MCOLN1: variants seen among roughly 807,000 people sequenced by gnomAD.
MCOLN1 encodes mucolipin TRP cation channel 1.
A neutral mutation model predicts 70.3 loss-of-function variants in MCOLN1; 50 were observed. The ratio of observed to expected loss-of-function variants is 0.71; its 90% CI spans 0.57 to 0.90. MCOLN1 has a LOEUF of 0.90. Among genes scored for constraint, MCOLN1 ranks in the 40% least tolerant of loss-of-function variants. The pLI, the probability that MCOLN1 is intolerant of heterozygous loss-of-function variation, is 0.00. For missense variants in MCOLN1, 598 were observed against 803.5 expected, an observed-to-expected ratio of 0.74 and a Z score of 3.09; for synonymous variants, 366 against 341.0, an observed-to-expected ratio of 1.07 and a Z score of -0.81.
rs2022555197 is a variant in MCOLN1, at chr19:7,525,449, T to A, written c.237+283T>A. 1 of 391,574 alleles carries A rather than the reference T, an allele frequency of 2.6e-6. No homozygotes were observed. Among genetic ancestry groups the A allele is most frequent in the African/African-American group, 2.1e-5 (1 of 47,714 alleles). The allele number at this position is 391,574 out of a possible 1,614,324, so 24.3% of individuals were successfully genotyped here. On this transcript the variant is annotated intron_variant, in intron 2 of 13. Coordinates refer to ENST00000264079, the MANE Select transcript of MCOLN1 (RefSeq NM_020533.3). The surrounding 1 kb of genome is among the most constrained non-coding windows in gnomAD (Gnocchi z 4.2). The stretch of plus-strand genomic sequence containing the variant: ...CGGAGGTTGCCGTGAGCTGAAATCA[T>A]GCCACTGCACTCCAGCCTGGGCAAC...
At chr19:7,533,274 T>C (rs1297353591) in intron 12 of MCOLN1, 1 of 591,798 alleles carries the variant, frequency 1.7e-6, no homozygotes, top group South Asian at 2.0e-5. Flanking sequence ...TCTAGGTCTG[T>C]AGGTGCTGGA....
chr19:7,529,501 G>GCCCCCCCCCCCC, intron 10 of MCOLN1, 89 bp from the exon 11 acceptor site: 7 of 747,246 alleles, frequency 9.4e-6, no homozygotes, highest in Middle Eastern at 3.7e-4. Context: ...CCTCGGCAAG[G>GCCCCCCCCCCCC]CCCCGCCCCT....
At chr19:7,533,477 G>A in intron 12 of MCOLN1, 46 bp from the exon 13 acceptor site, 1 of 1,608,160 alleles carries the variant, frequency 6.2e-7, no homozygotes, top group Non-Finnish European at 8.5e-7. Context: ...GGGCCTTGGA[G>A]GTTGGGAGCC....
At chr19:7,530,564 G>T in intron 12 of MCOLN1, 63 bp downstream of exon 12, 1 of 1,442,562 alleles carries the variant, frequency 6.9e-7, no homozygotes, top group Non-Finnish European at 9.7e-7. Flanking sequence ...GCCATGAGGG[G>T]GTCTTGGGGA....
Position 7,524,888 on chromosome 19 carries a change from C to T in MCOLN1, c.32-73C>T, listed in dbSNP as rs1012845318. 23 of 1,267,606 alleles carry T rather than the reference C, an allele frequency of 1.8e-5. No homozygotes were observed. The Admixed American group carries it at 4.0e-4, about 22-fold the overall frequency. 78.5% of individuals were successfully genotyped at this position (1,267,606 alleles called of 1,614,324 possible). A position where few individuals can be genotyped will look rare whatever the true frequency, so the allele number is the denominator to read the frequency against. ...GGACATGAAGATAGGGCGTGTGCTG[C>T]CTTCCTGGTTGGAGAAAGGGGAAAA... On this transcript the variant is annotated intron_variant, in intron 1 of 13. Coordinates refer to ENST00000264079, the MANE Select transcript of MCOLN1 (RefSeq NM_020533.3). This position sits in a 1 kb window ranked among gnomAD's most constrained non-coding sequence, Gnocchi z 4.1.
At chr19:7,530,543 C>A in intron 12 of MCOLN1, 42 bp downstream of exon 12, 1 of 1,565,096 alleles carries the variant, frequency 6.4e-7, no homozygotes, top group Non-Finnish European at 8.7e-7. Context: ...GCTCTGGGTG[C>A]CCTGGAGTCT....
rs2022567120 is a variant in MCOLN1 at position 7,526,330 on chromosome 19, A to C, written c.238-109A>C. The C allele has an allele frequency of 1.5e-6, 2 of 1,301,778 alleles. No individual in the cohort carries two copies. The highest frequency in any genetic ancestry group is 1.7e-5 in the Admixed American group (1 of 59,520). The allele number at this position is 1,301,778 out of a possible 1,614,324, so 80.6% of individuals were successfully genotyped here. On this transcript the variant is annotated intron_variant, in intron 2 of 13. Coordinates refer to ENST00000264079, the MANE Select transcript of MCOLN1 (RefSeq NM_020533.3). This position sits in a 1 kb window ranked among gnomAD's most constrained non-coding sequence, Gnocchi z 4.6. ...AGTTAGCAGGGCCCTGCCCCACCCC[A>C]GTGGACATCTGCAGGGCCCTCCCTG...
Position 7,528,963 on chromosome 19 carries a change from A to C in MCOLN1, c.1127A>C (p.Glu376Ala), listed in dbSNP as rs1339378939. The C allele has an allele frequency of 8.7e-6, 14 of 1,613,964 alleles. No homozygotes were observed. The highest frequency in any genetic ancestry group is 1.1e-5 in the Non-Finnish European group (13 of 1,180,012). The change falls in exon 9 of 14, where the codon GAG (glutamate) becomes GCG (alanine). Residue 376 changes from glutamate (E) to alanine (A), a missense_variant. This residue lies in a region of MCOLN1 where 461 missense variants were observed against 588.4 expected (regional missense o/e 0.78). Transcript: ENST00000264079. The surrounding 1 kb of genome is among the most constrained non-coding windows in gnomAD (Gnocchi z 4.2). ...ISGTIMKIGI[E>A]AKNLASYDVC... The stretch of plus-strand genomic sequence containing the variant: ...GGCACCATCATGAAGATCGGCATCG[A>C]GGCCAAGGTGCGTCCTGCCAACACC...
chr19:7,530,548 G>T, intron 12 of MCOLN1, 47 bp downstream of exon 12: 1 of 1,551,018 alleles, frequency 6.4e-7, no homozygotes. Flanking sequence ...GGGTGCCCTG[G>T]AGTCTGCCAT....
intron 12 of MCOLN1, 124 bp downstream of exon 12, chr19:7,530,625 G>A: frequency 1.0e-6 from 1 of 996,974 alleles, no homozygotes; most frequent in Non-Finnish European, 1.6e-6. Flanking sequence ...GAGACTCTAT[G>A]AAACCAAAAA....
In MCOLN1 at chr19:7,526,673, G is replaced by T; in HGVS notation, c.405+67G>T. ...GGTGGGCGGGCAGGTGCAGTTGGGC[G>T]GGCAGGTGCTGGTGGGCGGGCAGGT... On this transcript the variant is annotated intron_variant, in intron 3 of 13. Transcript: ENST00000264079. This position sits in a 1 kb window ranked among gnomAD's most constrained non-coding sequence, Gnocchi z 4.6. 6.3e-7 allele frequency: 1 copy of T among 1,596,010 alleles called. No homozygotes were observed. Among genetic ancestry groups the T allele is most frequent in the East Asian group, 2.3e-5 (1 of 44,398 alleles).
Position 7,530,426 on chromosome 19 carries a change from C to T in MCOLN1, c.1500C>T (p.Ser500=). 1 of 1,613,536 alleles carries T rather than the reference C, an allele frequency of 6.2e-7. No homozygotes were observed. Among genetic ancestry groups the T allele is most frequent in the Non-Finnish European group, 8.5e-7 (1 of 1,180,038 alleles). Residue 500 remains serine (S), a synonymous_variant, in exon 12 of 14, where the codon TCC becomes TCT. Coordinates refer to ENST00000264079, the MANE Select transcript of MCOLN1 (RefSeq NM_020533.3). ...TCTTCTCCCAGCTCTACCTTTACTC[C>T]TTCATCAGCCTCTTCATCTACATGG... ...VWLFSQLYLY[S]FISLFIYMVL...
Position 7,528,664 on chromosome 19 carries a change from C to G in MCOLN1, c.945C>G (p.Leu315=). 6.2e-7 allele frequency: 1 copy of G among 1,614,252 alleles called. No homozygotes were observed. The stretch of plus-strand genomic sequence containing the variant: ...TCACCTGCTCCCTGTCCTTCCTCCT[C>G]TGCGCCCGCTCACTCCTTCGAGGCT... The part of the protein sequence containing the change: ...VILTCSLSFL[L]CARSLLRGFL... The change falls in exon 8 of 14, where the codon CTC becomes CTG. Residue 315 remains leucine, a synonymous_variant. Coordinates refer to ENST00000264079, the MANE Select transcript of MCOLN1 (RefSeq NM_020533.3). The surrounding 1 kb of genome is among the most constrained non-coding windows in gnomAD (Gnocchi z 4.2).
At chr19:7,523,704 T>G (rs1015141688) in intron 1 of MCOLN1, among the ~76,000 whole-genome samples, 5 of 152,326 alleles carry the variant, frequency 3.3e-5, no homozygotes, top group Middle Eastern at 6.8e-3. Context: ...CAGCAGTTGC[T>G]GAAAGCTTAG....
Position 7,528,626 on chromosome 19 carries a change from G to T in MCOLN1, c.907G>T (p.Val303Leu). The stretch of plus-strand genomic sequence containing the variant: ...CAACAGCTTCCGGCTCCTGTTTGAC[G>T]TGGTGGTCATCCTCACCTGCTCCCT... ...GDNSFRLLFDVVVILTCSLSF... is the reference protein window; with the variant it reads ...GDNSFRLLFDLVVILTCSLSF... The change falls in exon 8 of 14, where the codon GTG (valine) becomes TTG (leucine). Residue 303 changes from valine to leucine, a missense_variant. Val to Leu is a conservative substitution (Grantham distance 32). Coordinates refer to ENST00000264079, the MANE Select transcript of MCOLN1 (RefSeq NM_020533.3). This position sits in a 1 kb window ranked among gnomAD's most constrained non-coding sequence, Gnocchi z 4.2. 1 of 1,614,220 alleles carries T rather than the reference G, an allele frequency of 6.2e-7. No individual in the cohort carries two copies. Among genetic ancestry groups the T allele is most frequent in the Non-Finnish European group, 8.5e-7 (1 of 1,180,040 alleles).
rs147754092 is a variant in MCOLN1 at position 7,529,625 on chromosome 19, C to T, written c.1272C>T (p.Ser424=). The T allele has an allele frequency of 3.2e-3, 5,152 of 1,614,098 alleles. 10 individuals carry two copies. Among genetic ancestry groups the T allele is most frequent in the Non-Finnish European group, 3.9e-3 (4,659 of 1,179,982 alleles). ...LIATLRVALP[S]VMRFCCCVAV... is the part of the protein sequence containing the mutation. The stretch of plus-strand genomic sequence containing the variant: ...CCACACTGCGGGTGGCCCTGCCCAG[C>T]GTCATGCGCTTCTGCTGCTGCGTGG... Residue 424 remains serine, a synonymous_variant, in exon 11 of 14, where the codon AGC becomes AGT. Transcript: ENST00000264079.
chr19:7,533,997 G>C lies in MCOLN1; in HGVS notation c.*202G>C, dbSNP rs1599259197. On this transcript the variant is annotated 3_prime_UTR_variant, in exon 14 of 14. Coordinates refer to ENST00000264079, the MANE Select transcript of MCOLN1 (RefSeq NM_020533.3). ...GAATAAAAGGGAAAATAAATGTGTC[G>C]TTTTCATTTTTAGCGGGAGGAGCAG... 6.1e-6 allele frequency: 4 copies of C among 656,726 alleles called. No homozygotes were observed. Among genetic ancestry groups the C allele is most frequent in the Non-Finnish European group, 8.0e-6 (3 of 372,996 alleles). The allele number at this position is 656,726 out of a possible 1,614,324, so 40.7% of individuals were successfully genotyped here.
intron 11 of MCOLN1, among the ~76,000 whole-genome samples, chr19:7,529,961 C>G (rs1390935614): frequency 6.6e-6 from 1 of 152,216 alleles, no homozygotes; most frequent in Non-Finnish European, 1.5e-5. Flanking sequence ...TGTCATTGAC[C>G]CGTGGTCCCG....
chr19:7,526,745 C>T lies in MCOLN1; in HGVS notation c.406-16C>T. The T allele has an allele frequency of 6.2e-7, 1 of 1,613,300 alleles. No individual in the cohort carries two copies. The highest frequency in any genetic ancestry group is 8.5e-7 in the Non-Finnish European group (1 of 1,180,020). On this transcript the variant is annotated splice_polypyrimidine_tract_variant and intron_variant, in intron 3 of 13. Coordinates refer to ENST00000264079, the MANE Select transcript of MCOLN1 (RefSeq NM_020533.3). The surrounding 1 kb of genome is among the most constrained non-coding windows in gnomAD (Gnocchi z 4.6). The stretch of plus-strand genomic sequence containing the variant: ...AGCGGGCCGGACTCACAGGCCCTCC[C>T]CTTCTCTGCCCACAGTACCTGGCGT...
Sources: gnomAD v4.1 joint callset for allele counts (sites outside exome capture counted in the v4.1 genomes callset) on GRCh38, gnomAD v4.1.1 for gene constraint, gnomAD v4.1.1 regional missense constraint, Gnocchi (gnomAD v3.1) non-coding constraint, MANE v1.5 for transcripts, NCBI Gene and HGNC (gene_info 2026-07-23, HGNC 2026-07-21) for gene names.